LRRC8B: variants seen among roughly 807,000 people sequenced by gnomAD.
The protein encoded by LRRC8B is leucine rich repeat containing 8 VRAC subunit B, also known as volume-regulated anion channel subunit LRRC8B.
Under a neutral mutation model 58.8 loss-of-function variants are expected in LRRC8B, and 23 were observed. The observed-to-expected ratio is 0.39, with a 90% CI of 0.28 to 0.55. The LOEUF (loss-of-function observed/expected upper bound fraction) is 0.55. LRRC8B is among the 20% of genes least tolerant of loss of function. LRRC8B has a pLI of 0.62. For missense variants in LRRC8B, 694 were observed against 936.0 expected (o/e 0.74, Z 3.37); for synonymous variants, 359 against 374.1 (o/e 0.96, Z 0.47).
chr1:89,579,359 G>T (rs1276479808), intron 3 of LRRC8B, among the ~76,000 whole-genome samples: 1 of 152,154 alleles, frequency 6.6e-6, no homozygotes, highest in Admixed American at 6.6e-5. Context: ...GCCAGAATGT[G>T]CCCCAGTGTG....
chr1:89,530,756 G>A (rs565951212), intron 1 of LRRC8B, among the ~76,000 whole-genome samples: 45 of 152,316 alleles, frequency 3.0e-4, no homozygotes, highest in Admixed American at 4.6e-4. Flanking sequence ...TTCTCAAAGC[G>A]GGTGGACAAC....
At chr1:89,587,345 C>A (rs796166297) in intron 5 of LRRC8B, among the ~76,000 whole-genome samples, 2 of 152,198 alleles carry the variant, frequency 1.3e-5, no homozygotes, top group South Asian at 2.1e-4. Context: ...ACCAGCCTGG[C>A]CAATATGGTG....
intron 1 of LRRC8B, among the ~76,000 whole-genome samples, chr1:89,542,124 C>T (rs1651046008): frequency 6.6e-6 from 1 of 152,152 alleles, no homozygotes. Context: ...ACAGAGACCT[C>T]CTGGCCTTGA....
chr1:89,589,913 AT>A (rs5776024), intron 5 of LRRC8B, among the ~76,000 whole-genome samples: 29,215 of 152,078 alleles, frequency 0.19, 3,400 homozygotes, highest in South Asian at 0.33. Flanking sequence ...ACTTCAATTC[AT>A]TTTGCTGAAG....
At position 89,592,954 on chromosome 1, in the gene LRRC8B, C is replaced by T. The variant is rs1377845167; in HGVS notation, c.2323C>T (p.Arg775Trp). ...ACTAGAAGGATGTCAGTCCCTAAAA[C>T]GGAACTGTCTGATTGTTGAGGAGAA... ...PELEGCQSLK[R>W]NCLIVEENLL... Residue 775 changes from arginine to tryptophan, a missense_variant, in exon 6 of 6, where the codon CGG becomes TGG. Transcript: ENST00000330947. The T allele has an allele frequency of 5.6e-6, 9 of 1,614,082 alleles. No homozygotes were observed. Among genetic ancestry groups the T allele is most frequent in the Non-Finnish European group, 7.6e-6 (9 of 1,179,958 alleles).
At chr1:89,529,747 A>G (rs137992134) in intron 1 of LRRC8B, among the ~76,000 whole-genome samples, 1 of 152,316 alleles carries the variant, frequency 6.6e-6, no homozygotes, top group African/African-American at 2.4e-5. Context: ...ATAACAAAAT[A>G]TGGAATGGTT....
intron 1 of LRRC8B, among the ~76,000 whole-genome samples, chr1:89,540,206 G>C (rs1285108891): frequency 6.6e-6 from 1 of 152,024 alleles, no homozygotes; most frequent in Non-Finnish European, 1.5e-5. Flanking sequence ...TTAGGGACCT[G>C]TATAGTTTTA....
intron 1 of LRRC8B, among the ~76,000 whole-genome samples, chr1:89,560,351 T>C (rs1159897606): frequency 1.3e-5 from 2 of 152,124 alleles, no homozygotes; most frequent in Non-Finnish European, 1.5e-5. Context: ...TATTAACTCA[T>C]ATATAAGGCT....
intron 1 of LRRC8B, among the ~76,000 whole-genome samples, chr1:89,537,163 G>T (rs887600415): frequency 1.3e-5 from 2 of 152,194 alleles, no homozygotes; most frequent in Non-Finnish European, 2.9e-5. Context: ...ACCAGGTCTG[G>T]TAGGGGAGGC....
chr1:89,578,499 C>T (rs1557617002), intron 3 of LRRC8B, among the ~76,000 whole-genome samples: 1 of 152,322 alleles, frequency 6.6e-6, no homozygotes, highest in East Asian at 1.9e-4. Context: ...TACATACTAA[C>T]TGTGCTTTCT....
intron 1 of LRRC8B, among the ~76,000 whole-genome samples, chr1:89,553,283 T>C (rs1320352886): frequency 6.6e-6 from 1 of 152,238 alleles, no homozygotes; most frequent in African/African-American, 2.4e-5. Flanking sequence ...GTGCAACAAA[T>C]GAAATGTTTG....
intron 1 of LRRC8B, among the ~76,000 whole-genome samples, chr1:89,551,391 T>C (rs1651799344): frequency 1.3e-5 from 2 of 152,174 alleles, no homozygotes; most frequent in African/African-American, 4.8e-5. Context: ...AGTGTATGAT[T>C]TAAATGACTA....
intron 1 of LRRC8B, among the ~76,000 whole-genome samples, chr1:89,543,499 A>ATTTTTTTTT (rs879506629): frequency 6.9e-6 from 1 of 145,248 alleles, no homozygotes; most frequent in African/African-American, 2.5e-5. Context: ...TGAAAAACTG[A>ATTTTTTTTT]TTTTTTTTTT....
chr1:89,582,416 C>T (rs1046107722), intron 4 of LRRC8B, among the ~76,000 whole-genome samples: 1 of 152,148 alleles, frequency 6.6e-6, no homozygotes, highest in African/African-American at 2.4e-5. Flanking sequence ...AATGGTCCCC[C>T]ATCTAAGAGA....
rs375407259 is a variant in LRRC8B, at chr1:89,597,180, G to A, written c.*4137G>A. 2.0e-5 allele frequency: 3 copies of A among 152,124 alleles called. No homozygotes were observed. The highest frequency in any genetic ancestry group is 4.4e-5 in the Non-Finnish European group (3 of 68,014). 9.4% of individuals were successfully genotyped at this position (152,124 alleles called of 1,614,324 possible). The stretch of plus-strand genomic sequence containing the variant: ...TCCATCACTTCTGTATCCACAGGGA[G>A]CTATCTACTACATACCTTTGGTAAC... On this transcript the variant is annotated 3_prime_UTR_variant, in exon 6 of 6. Transcript: ENST00000330947.
intron 3 of LRRC8B, among the ~76,000 whole-genome samples, chr1:89,579,284 G>A (rs574193427): frequency 1.3e-5 from 2 of 152,230 alleles, no homozygotes. Context: ...ACCTGTAATT[G>A]AAAGGAAGTT....
intron 1 of LRRC8B, among the ~76,000 whole-genome samples, chr1:89,554,776 T>C (rs1026933013): frequency 6.6e-6 from 1 of 152,044 alleles, no homozygotes; most frequent in Non-Finnish European, 1.5e-5. Flanking sequence ...TAGGTAAATA[T>C]TATTTTTTGT....
Position 89,525,215 on chromosome 1 carries a change from T to C in LRRC8B, c.-241+193T>C, listed in dbSNP as rs117202221. ...GCAGAGACGAGTGGCCGCTTCGTTG[T>C]GCTCCCTGCCTTCGGGAGAGACGGA... On this transcript the variant is annotated intron_variant, in intron 1 of 5. Transcript: ENST00000330947. Among the ~76,000 whole-genome samples the C allele has an allele frequency of 2.3e-3, 343 of 152,346 alleles. 9 individuals are homozygous for C. The East Asian group carries it at 0.055, about 24-fold the overall frequency.
Position 89,535,430 on chromosome 1 carries a change from A to G in LRRC8B, c.-241+10408A>G, listed in dbSNP as rs186401366. On this transcript the variant is annotated intron_variant, in intron 1 of 5. Coordinates refer to ENST00000330947, the MANE Select transcript of LRRC8B (RefSeq NM_001369817.2). The stretch of plus-strand genomic sequence containing the variant: ...GTGGCTGGAGCCTGTAATCCCAGCT[A>G]CTCAGGAGACTGAGGTGGAAGGATG... 3.8e-3 allele frequency among the ~76,000 whole-genome samples: 580 copies of G among 152,248 alleles called. 4 individuals carry two copies. The highest frequency in any genetic ancestry group is 6.8e-3 in the Middle Eastern group (2 of 294).
Sources: allele counts gnomAD v4.1 joint callset (sites outside exome capture counted in the v4.1 genomes callset), GRCh38; gene constraint gnomAD v4.1.1; transcripts MANE v1.5; gene names NCBI Gene and HGNC (gene_info 2026-07-23, HGNC 2026-07-21).